The following RFTN2 variants were observed in gnomAD, a reference collection of about 807,000 sequenced individuals.
RFTN2 encodes raftlin family member 2.
RFTN2 carries 34 observed loss-of-function variants against 52.7 expected under a neutral mutation model. The observed-to-expected ratio is 0.64, with a 90% CI of 0.49 to 0.86. The LOEUF (loss-of-function observed/expected upper bound fraction) is 0.86, where lower values mean the gene tolerates loss of function less well. Ranked by LOEUF, RFTN2 falls within the 40% of genes least tolerant of loss-of-function variation. The probability of loss-of-function intolerance (pLI) is 0.00; values close to 1 mark genes in which losing one functional copy is unlikely to be tolerated. For missense variants in RFTN2, 536 were observed against 600.1 expected (o/e 0.89, Z 1.12); for synonymous variants, 203 against 217.7 (o/e 0.93, Z 0.59).
At chr2:197,601,741 C>T (rs1488417407) in intron 7 of RFTN2, among the ~76,000 whole-genome samples, 3 of 152,054 alleles carry the variant, frequency 2.0e-5, no homozygotes, top group Non-Finnish European at 4.4e-5. Flanking sequence ...AAGCATTCCA[C>T]CTTATAATGT....
intron 4 of RFTN2, 110 bp from the exon 5 acceptor site, chr2:197,631,330 C>T: frequency 1.3e-6 from 1 of 799,652 alleles, no homozygotes; most frequent in Non-Finnish European, 2.1e-6. Flanking sequence ...AAGCACTCAG[C>T]TTAATCAAAT....
chr2:197,584,109 C>T (rs1293870089), intron 8 of RFTN2, among the ~76,000 whole-genome samples: 1 of 152,138 alleles, frequency 6.6e-6, no homozygotes, highest in East Asian at 1.9e-4. Flanking sequence ...GTCTTCATGG[C>T]AGCATGATTT....
chr2:197,631,592 C>A (rs1559356714), intron 4 of RFTN2, among the ~76,000 whole-genome samples: 1 of 151,956 alleles, frequency 6.6e-6, no homozygotes, highest in Non-Finnish European at 1.5e-5. Context: ...ATGAATTGAC[C>A]TTTTGTTCAA....
In RFTN2 at chr2:197,633,938, A is replaced by G. The variant is rs1291506570; in HGVS notation, c.498T>C (p.Ser166=). The G allele has an allele frequency of 1.9e-6, 3 of 1,613,348 alleles. No homozygotes were observed. Among genetic ancestry groups the G allele is most frequent in the African/African-American group, 1.3e-5 (1 of 74,924 alleles). The change falls in exon 4 of 9, where the codon TCT becomes TCC. Residue 166 remains serine (S), a synonymous_variant. Coordinates refer to ENST00000295049, the MANE Select transcript of RFTN2 (RefSeq NM_144629.3). Reference sequence around the variant, plus strand: ...TGGTTCCATTGCAGAATTTAGATGGAGAATAATGCTGTGATATGAATCCAA... The same window carrying G: ...TGGTTCCATTGCAGAATTTAGATGGGGAATAATGCTGTGATATGAATCCAA... ...KFVGFISQHY[S]PSKFCNGTNH... is the part of the protein sequence containing the mutation.
intron 8 of RFTN2, among the ~76,000 whole-genome samples, chr2:197,584,112 C>A (rs1381936071): frequency 6.6e-6 from 1 of 152,160 alleles, no homozygotes; most frequent in Non-Finnish European, 1.5e-5. Context: ...TTCATGGCAG[C>A]ATGATTTATA....
chr2:197,617,872 T>A lies in RFTN2; in HGVS notation c.978A>T (p.Glu326Asp), dbSNP rs747672437. 12 of 1,609,082 alleles carry A rather than the reference T, an allele frequency of 7.5e-6. No individual in the cohort carries two copies. Among genetic ancestry groups the A allele is most frequent in the East Asian group, 6.7e-5 (3 of 44,686 alleles). ...TACTAGAACCTGGAACTCCAGAACC[T>A]TCTTCTTCATAGATAAAAAATCCTT... The part of the protein sequence containing the change: ...SLEGFFIYEE[E>D]GSGVPGSSRK... The change falls in exon 6 of 9, where the codon GAA becomes GAT. Residue 326 changes from glutamate to aspartate, a missense_variant. Glu to Asp is a conservative substitution (Grantham distance 45, BLOSUM62 2). Coordinates refer to ENST00000295049, the MANE Select transcript of RFTN2 (RefSeq NM_144629.3).
At chr2:197,667,568 A>G (rs1327161031) in intron 1 of RFTN2, among the ~76,000 whole-genome samples, 2 of 152,120 alleles carry the variant, frequency 1.3e-5, no homozygotes, top group African/African-American at 4.8e-5. Context: ...CACTTCTTCC[A>G]ATTTTTTGAA....
intron 1 of RFTN2, among the ~76,000 whole-genome samples, chr2:197,668,411 G>A (rs1218030628): frequency 6.6e-6 from 1 of 152,146 alleles, no homozygotes; most frequent in African/African-American, 2.4e-5. Context: ...GGGGAGGGAG[G>A]TGCTGCCTTT....
intron 3 of RFTN2, among the ~76,000 whole-genome samples, chr2:197,639,260 G>C (rs879580548): frequency 0.02 from 2,589 of 130,116 alleles, 35 homozygotes; most frequent in Non-Finnish European, 0.03. Context: ...GGCGTTCTCT[G>C]TATTTCCTGA....
chr2:197,630,553 C>T lies in RFTN2; in HGVS notation c.928+458G>A, dbSNP rs137999411. Among the ~76,000 whole-genome samples, 471 of 152,254 alleles carry T rather than the reference C, an allele frequency of 3.1e-3. 6 individuals are homozygous for T. The highest frequency in any genetic ancestry group is 0.011 in the African/African-American group (453 of 41,540). On this transcript the variant is annotated intron_variant, in intron 5 of 8. Transcript: ENST00000295049. ...AAGACAGAAGTAAGAACAGAGCCAA[C>T]GTCACTTTCTAAACCAAAGATGATT... is the stretch of plus-strand genomic sequence containing the variant.
At chr2:197,665,738 T>G (rs757254813) in intron 1 of RFTN2, among the ~76,000 whole-genome samples, 48 of 151,960 alleles carry the variant, frequency 3.2e-4, no homozygotes, top group Non-Finnish European at 5.6e-4. Flanking sequence ...ATATATGTTT[T>G]AAGTGGAGAA....
chr2:197,675,353 A>G lies in RFTN2; in HGVS notation c.106T>C (p.Tyr36His), dbSNP rs1168951439. ...PQVETKTEFA[Y>H]EYVLLDFTLQ... is the part of the protein sequence containing the mutation. ...GTAAAATCCAGCAATACATATTCGT[A>G]AGCAAATTCTGTCTTTGTTTCCACT... Residue 36 changes from tyrosine (Y) to histidine (H), a missense_variant, in exon 1 of 9, where the codon TAC becomes CAC. Tyr to His is a moderately conservative substitution (Grantham distance 83). Coordinates refer to ENST00000295049, the MANE Select transcript of RFTN2 (RefSeq NM_144629.3). 6.2e-7 allele frequency: 1 copy of G among 1,604,622 alleles called. No homozygotes were observed.
chr2:197,643,424 AT>A (rs1269647863), intron 3 of RFTN2, among the ~76,000 whole-genome samples: 2 of 152,140 alleles, frequency 1.3e-5, no homozygotes, highest in African/African-American at 4.8e-5. Context: ...CTAATACTGG[AT>A]TTTAATTAAA....
intron 5 of RFTN2, 127 bp downstream of exon 5, chr2:197,630,884 G>T: frequency 2.9e-6 from 2 of 690,148 alleles, no homozygotes; most frequent in South Asian, 3.4e-5. Context: ...GTAACAGCTG[G>T]AATTTATTTC....
intron 5 of RFTN2, among the ~76,000 whole-genome samples, chr2:197,621,174 C>T (rs142556766): frequency 1.3e-5 from 2 of 151,774 alleles, no homozygotes; most frequent in East Asian, 3.9e-4. Flanking sequence ...TACAATTGTG[C>T]ATGCCCCAAG....
chr2:197,623,984 A>C (rs2088310216), intron 5 of RFTN2, among the ~76,000 whole-genome samples: 2 of 151,590 alleles, frequency 1.3e-5, no homozygotes. Flanking sequence ...TTTTCAGTAG[A>C]GATAGGGTTT....
intron 3 of RFTN2, among the ~76,000 whole-genome samples, chr2:197,640,365 T>A (rs1056846473): frequency 6.6e-6 from 1 of 152,130 alleles, no homozygotes; most frequent in African/African-American, 2.4e-5. Flanking sequence ...GATCTCAGAC[T>A]GCTGTGCTAG....
rs536400923 is a variant in RFTN2, at chr2:197,619,715, C to T, written c.929-1794G>A. On this transcript the variant is annotated intron_variant, in intron 5 of 8. Coordinates refer to ENST00000295049, the MANE Select transcript of RFTN2 (RefSeq NM_144629.3). ...TGTGACCCTGCCAAATCCCCCTCTG[C>T]GAGAAACACCCAAGAATGATCAATT... Among the ~76,000 whole-genome samples, 1,026 of 140,922 alleles carry T rather than the reference C, an allele frequency of 7.3e-3. 13 individuals carry two copies. Among genetic ancestry groups the T allele is most frequent in the African/African-American group, 0.026 (975 of 37,702 alleles). 92.5% of individuals were successfully genotyped at this position (140,922 alleles called of 152,430 possible). A position where few individuals can be genotyped will look rare whatever the true frequency, so the allele number is the denominator to read the frequency against.
intron 8 of RFTN2, among the ~76,000 whole-genome samples, chr2:197,592,015 G>A (rs897114458): frequency 9.9e-5 from 15 of 152,152 alleles, no homozygotes; most frequent in South Asian, 2.1e-4. Context: ...ATGGTGCAGC[G>A]GCGGGCTGAA....
Sources: gnomAD v4.1 joint callset for allele counts (sites outside exome capture counted in the v4.1 genomes callset) on GRCh38, gnomAD v4.1.1 for gene constraint, MANE v1.5 for transcripts, NCBI Gene and HGNC (gene_info 2026-07-23, HGNC 2026-07-21) for gene names.